The following CNGB3 variants were observed in gnomAD, a reference collection of about 807,000 sequenced individuals.
The protein encoded by CNGB3 is cyclic nucleotide-gated channel beta-3.
A neutral mutation model predicts 92.8 loss-of-function variants in CNGB3; 86 were observed. The ratio of observed to expected loss-of-function variants is 0.93; its 90% CI spans 0.78 to 1.11. The LOEUF (loss-of-function observed/expected upper bound fraction) is 1.11. CNGB3 is among the 50% of genes least tolerant of loss of function. The probability of loss-of-function intolerance (pLI) is 0.00; values close to 1 mark genes in which losing one functional copy is unlikely to be tolerated. For synonymous variants in CNGB3, 333 were observed against 332.7 expected (o/e 1.00, Z -0.01); for missense variants, 1,026 against 956.8 (o/e 1.07, Z -0.95).
intron 3 of CNGB3, among the ~76,000 whole-genome samples, chr8:86,687,876 C>T (rs72692300): frequency 1.7e-3 from 260 of 151,940 alleles, no homozygotes; most frequent in Middle Eastern, 3.4e-3. Context: ...TTATAGAGTG[C>T]CTATTATGAA....
chr8:86,693,319 A>G (rs1401039061), intron 3 of CNGB3, among the ~76,000 whole-genome samples: 1 of 152,002 alleles, frequency 6.6e-6, no homozygotes, highest in Admixed American at 6.5e-5. Context: ...CCCTCATATA[A>G]GTTTTCCAAA....
At chr8:86,593,628 C>A in intron 15 of CNGB3, 1 of 469,188 alleles carries the variant, frequency 2.1e-6, no homozygotes, top group Non-Finnish European at 3.9e-6. Flanking sequence ...CTATAAGGGG[C>A]GAGTGGGGTT....
chr8:86,675,311 A>C (rs1823945677), intron 3 of CNGB3, among the ~76,000 whole-genome samples: 1 of 152,092 alleles, frequency 6.6e-6, no homozygotes, highest in South Asian at 2.1e-4. Flanking sequence ...GGGCTCAAGC[A>C]ATCTTCCTGC....
intron 3 of CNGB3, among the ~76,000 whole-genome samples, chr8:86,704,924 T>A (rs1051285951): frequency 4.6e-4 from 70 of 152,334 alleles, no homozygotes; most frequent in African/African-American, 1.7e-3. Flanking sequence ...AATGACAGAA[T>A]GCTAGTAGGT....
chr8:86,670,898 C>G, intron 4 of CNGB3, 46 bp downstream of exon 4: 3 of 1,605,116 alleles, frequency 1.9e-6, no homozygotes, highest in Non-Finnish European at 2.6e-6. Flanking sequence ...ACACAGGTCC[C>G]CTCAGCACTT....
At position 86,702,971 on chromosome 8, in the gene CNGB3, A is replaced by G. The variant is rs960157245; in HGVS notation, c.338+23560T>C. ...CCATATATTTGATGAAGATTTTTATATAATTTTTAAAAATTGATTTTACTT... is the reference window on the plus strand; with the variant it reads ...CCATATATTTGATGAAGATTTTTATGTAATTTTTAAAAATTGATTTTACTT... On this transcript the variant is annotated intron_variant, in intron 3 of 17. Coordinates refer to ENST00000320005, the MANE Select transcript of CNGB3 (RefSeq NM_019098.5). Among the ~76,000 whole-genome samples, 10 of 152,180 alleles carry G rather than the reference A, an allele frequency of 6.6e-5. No homozygotes were observed. In the East Asian group the frequency reaches 1.9e-3, roughly 29 times the overall value.
intron 7 of CNGB3, among the ~76,000 whole-genome samples, chr8:86,650,178 C>T (rs925106826): frequency 1.3e-5 from 2 of 151,456 alleles, no homozygotes; most frequent in Non-Finnish European, 1.5e-5. Context: ...AAAGCAGGCA[C>T]ACTGTTGACC....
chr8:86,612,667 A>T (rs1380632420), intron 13 of CNGB3, among the ~76,000 whole-genome samples: 2 of 152,212 alleles, frequency 1.3e-5, no homozygotes, highest in Non-Finnish European at 2.9e-5. Context: ...CTTGACTGAT[A>T]AGGCAAGCTA....
chr8:86,696,027 C>T (rs1318286059), intron 3 of CNGB3, among the ~76,000 whole-genome samples: 2 of 152,114 alleles, frequency 1.3e-5, no homozygotes, highest in Non-Finnish European at 2.9e-5. Context: ...CCATGGATTC[C>T]AGCACCTGCT....
At chr8:86,620,412 G>A (rs548089565) in intron 13 of CNGB3, among the ~76,000 whole-genome samples, 37 of 152,142 alleles carry the variant, frequency 2.4e-4, no homozygotes, top group African/African-American at 7.0e-4. Flanking sequence ...TCACTGTGTC[G>A]TTACATGGCT....
At chr8:86,728,098 T>C (rs559757249) in intron 2 of CNGB3, among the ~76,000 whole-genome samples, 2 of 152,328 alleles carry the variant, frequency 1.3e-5, no homozygotes, top group South Asian at 4.1e-4. Context: ...TATCTACTTT[T>C]ATTTTGGAAT....
chr8:86,728,408 A>T (rs79711510), intron 2 of CNGB3, among the ~76,000 whole-genome samples: 3 of 152,016 alleles, frequency 2.0e-5, no homozygotes, highest in East Asian at 1.9e-4. Flanking sequence ...TTTGATAAAA[A>T]AAGAGAGAAG....
At chr8:86,728,137 C>T (rs1825095544) in intron 2 of CNGB3, among the ~76,000 whole-genome samples, 1 of 152,110 alleles carries the variant, frequency 6.6e-6, no homozygotes, top group Admixed American at 6.6e-5. Flanking sequence ...AGAGAGAAAA[C>T]ACAGTACTAG....
intron 13 of CNGB3, among the ~76,000 whole-genome samples, chr8:86,614,682 G>C (rs1167727880): frequency 6.6e-6 from 1 of 152,078 alleles, no homozygotes; most frequent in Non-Finnish European, 1.5e-5. Context: ...AACTGGACAC[G>C]GGTCAGACGA....
At chr8:86,735,197 C>T (rs1586043595) in intron 2 of CNGB3, among the ~76,000 whole-genome samples, 1 of 114,648 alleles carries the variant, frequency 8.7e-6, no homozygotes, top group South Asian at 2.9e-4. Flanking sequence ...GGCTGGAGTG[C>T]AGTGGCGCAA....
At chr8:86,587,111 G>A (rs1397879997) in intron 15 of CNGB3, among the ~76,000 whole-genome samples, 3 of 147,028 alleles carry the variant, frequency 2.0e-5, no homozygotes, top group Non-Finnish European at 4.5e-5. Flanking sequence ...TTTTTCATGT[G>A]TTTTTTGGCT....
chr8:86,621,541 G>A (rs905202305), intron 13 of CNGB3, among the ~76,000 whole-genome samples: 1 of 152,012 alleles, frequency 6.6e-6, no homozygotes, highest in Non-Finnish European at 1.5e-5. Context: ...GTTCTTTAGT[G>A]GTGATTTCTG....
rs1403971071 is a variant in CNGB3, at chr8:86,581,211, A to G, written c.1782-1959T>C. Among the ~76,000 whole-genome samples, 6 of 152,332 alleles carry G rather than the reference A, an allele frequency of 3.9e-5. No individual in the cohort carries two copies. The South Asian group carries it at 1.2e-3, about 32-fold the overall frequency. On this transcript the variant is annotated intron_variant, in intron 15 of 17. Coordinates refer to ENST00000320005, the MANE Select transcript of CNGB3 (RefSeq NM_019098.5). Reference sequence around the variant, plus strand: ...CAAACTACCGCCCCCAAATCTGGAGAGAGAGGTGAATCCATAAAACTACAG... The same window carrying G: ...CAAACTACCGCCCCCAAATCTGGAGGGAGAGGTGAATCCATAAAACTACAG...
chr8:86,660,455 C>T, intron 6 of CNGB3: 1 of 511,176 alleles, frequency 2.0e-6, no homozygotes, highest in East Asian at 5.5e-5. Flanking sequence ...TGCTCCAAGC[C>T]CATTGGTCAA....
Sources: gnomAD v4.1 joint callset for allele counts (sites outside exome capture counted in the v4.1 genomes callset) on GRCh38, gnomAD v4.1.1 for gene constraint, MANE v1.5 for transcripts, NCBI Gene and HGNC (gene_info 2026-07-23, HGNC 2026-07-21) for gene names.